ARID1B: variants seen among roughly 807,000 people sequenced by gnomAD.
The protein encoded by ARID1B is AT-rich interactive domain-containing protein 1B.
ARID1B carries 30 observed loss-of-function variants against 212.3 expected under a neutral mutation model. The ratio of observed to expected loss-of-function variants is 0.14; its 90% CI spans 0.11 to 0.19. The LOEUF (loss-of-function observed/expected upper bound fraction) is 0.19, where lower values mean the gene tolerates loss of function less well. ARID1B is among the 10% of genes least tolerant of loss of function. The probability of loss-of-function intolerance (pLI) is 1.00; values close to 1 mark genes in which losing one functional copy is unlikely to be tolerated. For synonymous variants in ARID1B, 1,402 were observed against 1,301.7 expected (o/e 1.08, Z -1.66); for missense variants, 2,891 against 3,204.0 (o/e 0.90, Z 2.36).
At chr6:157,003,133 C>G (rs1779004170) in intron 4 of ARID1B, among the ~76,000 whole-genome samples, 1 of 152,188 alleles carries the variant, frequency 6.6e-6, no homozygotes, top group Non-Finnish European at 1.5e-5. Flanking sequence ...TAGCCTTGAT[C>G]CTAAGAGCAA....
intron 14 of ARID1B, 61 bp from the exon 15 acceptor site, chr6:157,189,977 T>C: frequency 6.3e-7 from 1 of 1,594,570 alleles, no homozygotes; most frequent in Admixed American, 1.8e-5. Context: ...ATCTTCTGAA[T>C]GTACTGTTTG....
chr6:156,902,945 T>G (rs1789070751), intron 3 of ARID1B, among the ~76,000 whole-genome samples: 1 of 152,250 alleles, frequency 6.6e-6, no homozygotes, highest in African/African-American at 2.4e-5. Context: ...TTCAGAGCCT[T>G]ATTGAACTTA....
At chr6:157,061,890 C>A (rs1783364755) in intron 4 of ARID1B, among the ~76,000 whole-genome samples, 1 of 152,116 alleles carries the variant, frequency 6.6e-6, no homozygotes, top group Admixed American at 6.6e-5. Flanking sequence ...ATGTCTGTGC[C>A]ATGTTTTTTC....
intron 1 of ARID1B, among the ~76,000 whole-genome samples, chr6:156,784,885 A>G (rs1182841270): frequency 6.6e-6 from 1 of 152,124 alleles, no homozygotes; most frequent in Non-Finnish European, 1.5e-5. Flanking sequence ...TCAGCCCCGC[A>G]AGCAGCTGGG....
chr6:156,935,814 T>C (rs1415692402), intron 4 of ARID1B: 1 of 423,730 alleles, frequency 2.4e-6, no homozygotes, highest in East Asian at 4.2e-5. Context: ...GAAGGTTTTA[T>C]GCGGCTGGTC....
intron 2 of ARID1B, among the ~76,000 whole-genome samples, chr6:156,877,366 G>A (rs1221413614): frequency 1.3e-5 from 2 of 152,116 alleles, no homozygotes; most frequent in African/African-American, 4.8e-5. Flanking sequence ...AGATTGCATG[G>A]TGCTGTGTTT....
intron 4 of ARID1B, among the ~76,000 whole-genome samples, chr6:157,057,913 A>T (rs1405777983): frequency 6.6e-6 from 1 of 152,126 alleles, no homozygotes; most frequent in African/African-American, 2.4e-5. Flanking sequence ...ATTCCAGAGG[A>T]ATTACTAATG....
At chr6:156,786,729 T>C (rs1779657484) in intron 1 of ARID1B, among the ~76,000 whole-genome samples, 1 of 152,242 alleles carries the variant, frequency 6.6e-6, no homozygotes, top group African/African-American at 2.4e-5. Flanking sequence ...CAAATATTTA[T>C]TGAGCTCCCA....
chr6:156,935,818 G>T (rs879129560), intron 4 of ARID1B: 1 of 410,936 alleles, frequency 2.4e-6, no homozygotes, highest in African/African-American at 2.0e-5. Flanking sequence ...GTTTTATGCG[G>T]CTGGTCGATT....
chr6:156,791,571 G>T (rs143150669), intron 1 of ARID1B, among the ~76,000 whole-genome samples: 355 of 152,332 alleles, frequency 2.3e-3, no homozygotes, highest in Non-Finnish European at 3.5e-3. Context: ...GCCTCAGGAA[G>T]AAAAGGGTTT....
chr6:156,935,509 T>C lies in ARID1B; in HGVS notation c.2180T>C (p.Leu727Pro). 1 of 1,614,058 alleles carries C rather than the reference T, an allele frequency of 6.2e-7. No homozygotes were observed. The highest frequency in any genetic ancestry group is 8.5e-7 in the Non-Finnish European group (1 of 1,179,932). ...EGYGTRSQPP[L>P]APGKPNHEDL... ...TATGGAACTAGATCTCAACCTCCTC[T>C]GGCCCCCGGAAAACCTAACCATGAA... is the stretch of plus-strand genomic sequence containing the variant. The change falls in exon 4 of 20, where the codon CTG becomes CCG. Residue 727 changes from leucine to proline, a missense_variant. Physicochemically the swap from Leu to Pro is moderately conservative, Grantham distance 98. Around this residue, in one of 7 missense-constraint regions of ARID1B, gnomAD observed 1,643 missense variants for 1,544.0 expected, o/e 1.06. Coordinates refer to ENST00000636930, the MANE Select transcript of ARID1B (RefSeq NM_001374828.1).
chr6:157,123,964 C>T (rs1787955470), intron 6 of ARID1B, among the ~76,000 whole-genome samples: 1 of 152,240 alleles, frequency 6.6e-6, no homozygotes, highest in East Asian at 1.9e-4. Context: ...GCCCTCACTC[C>T]TCACAGCTTC....
At chr6:157,126,586 G>T (rs937854351) in intron 6 of ARID1B, among the ~76,000 whole-genome samples, 1 of 152,080 alleles carries the variant, frequency 6.6e-6, no homozygotes, top group Admixed American at 6.5e-5. Flanking sequence ...CAGAACCCTG[G>T]TGCAGATTTA....
chr6:156,848,539 T>G (rs890800583), intron 2 of ARID1B, among the ~76,000 whole-genome samples: 1 of 152,266 alleles, frequency 6.6e-6, no homozygotes, highest in African/African-American at 2.4e-5. Flanking sequence ...TCATCACGAT[T>G]AGAACACCCA....
chr6:157,048,048 C>T (rs1436888189), intron 4 of ARID1B, among the ~76,000 whole-genome samples: 1 of 152,146 alleles, frequency 6.6e-6, no homozygotes, highest in Non-Finnish European at 1.5e-5. Context: ...TCTGCACTGC[C>T]AAGTTTTAAA....
At chr6:156,880,803 G>A (rs1270041793) in intron 2 of ARID1B, among the ~76,000 whole-genome samples, 3 of 151,016 alleles carry the variant, frequency 2.0e-5, no homozygotes, top group Admixed American at 2.0e-4. Flanking sequence ...GCTTTTGGTG[G>A]ATGTTAGTTA....
chr6:156,810,112 C>T (rs1420196236), intron 1 of ARID1B, among the ~76,000 whole-genome samples: 1 of 152,162 alleles, frequency 6.6e-6, no homozygotes, highest in Non-Finnish European at 1.5e-5. Context: ...ATTTCTGTTC[C>T]TTGTCAGCTT....
At chr6:157,008,047 T>C (rs369290140) in intron 4 of ARID1B, among the ~76,000 whole-genome samples, 1 of 152,260 alleles carries the variant, frequency 6.6e-6, no homozygotes, top group East Asian at 1.9e-4. Flanking sequence ...ACATTTAAAT[T>C]CGGCAAATAA....
intron 1 of ARID1B, chr6:156,779,731 TCCC>T (rs541066146): frequency 6.7e-6 from 1 of 149,854 alleles, no homozygotes; most frequent in Non-Finnish European, 1.4e-5. Flanking sequence ...CGCACCCGCG[TCCC>T]CCCCCTCCCC....
Sources: allele counts gnomAD v4.1 joint callset (sites outside exome capture counted in the v4.1 genomes callset), GRCh38; gene constraint gnomAD v4.1.1; regional missense constraint gnomAD v4.1.1; transcripts MANE v1.5; gene names NCBI Gene and HGNC (gene_info 2026-07-23, HGNC 2026-07-21).